Variants in SLC1A4 observed in about 807,000 individuals in gnomAD.
SLC1A4 encodes the protein neutral amino acid transporter A.
Under a neutral mutation model 37.7 loss-of-function variants are expected in SLC1A4, and 19 were observed. The ratio of observed to expected loss-of-function variants is 0.50; its 90% CI spans 0.35 to 0.74. The LOEUF (loss-of-function observed/expected upper bound fraction) is 0.74. Ranked by LOEUF, SLC1A4 falls within the 30% of genes least tolerant of loss-of-function variation. SLC1A4 has a pLI of 0.01. For synonymous variants in SLC1A4, 299 were observed against 309.8 expected, an observed-to-expected ratio of 0.97 and a Z score of 0.37; for missense variants, 570 against 712.9, an observed-to-expected ratio of 0.80 and a Z score of 2.28.
rs1206199466 is a variant in SLC1A4, at chr2:65,001,445, C to G, written c.528-3C>G. 1 of 1,613,682 alleles carries G rather than the reference C, an allele frequency of 6.2e-7. No homozygotes were observed. Among genetic ancestry groups the G allele is most frequent in the Non-Finnish European group, 8.5e-7 (1 of 1,179,624 alleles). On this transcript the variant is annotated splice_polypyrimidine_tract_variant and splice_region_variant and intron_variant, in intron 1 of 7. Transcript: ENST00000234256. ...ACTGACAGAATGCTTTCTTTTCCAA[C>G]AGAAACCTGTTTCCCTCCAATCTTG...
intron 1 of SLC1A4, among the ~76,000 whole-genome samples, chr2:64,992,099 G>A (rs2268482): frequency 3.9e-5 from 6 of 152,316 alleles, no homozygotes; most frequent in Admixed American, 3.3e-4. Flanking sequence ...ATTACCTGTA[G>A]GAGGTCGGTC....
At chr2:65,019,994 A>T (rs1051690999) in intron 7 of SLC1A4, among the ~76,000 whole-genome samples, 7 of 152,188 alleles carry the variant, frequency 4.6e-5, no homozygotes, top group African/African-American at 1.7e-4. Flanking sequence ...CCTCTCTTCA[A>T]AATGTGCACA....
At chr2:65,003,243 A>G (rs1471453364) in intron 2 of SLC1A4, among the ~76,000 whole-genome samples, 1 of 152,230 alleles carries the variant, frequency 6.6e-6, no homozygotes, top group Non-Finnish European at 1.5e-5. Flanking sequence ...CAGTTCAAGG[A>G]CCAGGTGCCC....
Position 65,018,021 on chromosome 2 carries a change from C to T in SLC1A4, c.1035-50C>T, listed in dbSNP as rs1211081689. The T allele has an allele frequency of 6.5e-7, 1 of 1,538,974 alleles. No individual in the cohort carries two copies. The highest frequency in any genetic ancestry group is 1.7e-5 in the Admixed American group (1 of 58,456). ...GGGTCTGAGACAAGACACATGTTAG[C>T]CTGCCTCGGACTGTTGTCATGTCTG... is the stretch of plus-strand genomic sequence containing the variant. On this transcript the variant is annotated intron_variant, in intron 5 of 7. Transcript: ENST00000234256. The surrounding 1 kb of genome is among the most constrained non-coding windows in gnomAD (Gnocchi z 4.3).
chr2:65,016,710 AT>A, intron 5 of SLC1A4, 37 bp downstream of exon 5: 1 of 1,399,266 alleles, frequency 7.1e-7, no homozygotes, highest in African/African-American at 1.4e-5. Flanking sequence ...GCTCTGAGCC[AT>A]GTTAACATGG....
Position 65,021,046 on chromosome 2 carries a change from G to A in SLC1A4, c.1499G>A (p.Cys500Tyr). The change falls in exon 8 of 8, where the codon TGC (cysteine) becomes TAC (tyrosine). Residue 500 changes from cysteine to tyrosine, a missense_variant. Physicochemically the swap from Cys to Tyr is radical, Grantham distance 194. Coordinates refer to ENST00000234256, the MANE Select transcript of SLC1A4 (RefSeq NM_003038.5). ...AEVKVEAIPN[C>Y]KSEEETSPLV... The stretch of plus-strand genomic sequence containing the variant: ...GTGAAAGTGGAAGCCATCCCCAACT[G>A]CAAGTCTGAGGAGGAGACATCGCCC... 5.6e-6 allele frequency: 9 copies of A among 1,614,230 alleles called. No individual in the cohort carries two copies. The highest frequency in any genetic ancestry group is 7.6e-6 in the Non-Finnish European group (9 of 1,180,034).
chr2:65,007,276 G>T (rs11689731), intron 3 of SLC1A4, among the ~76,000 whole-genome samples: 25,421 of 87,854 alleles, frequency 0.29, 2,504 homozygotes, highest in African/African-American at 0.32. Flanking sequence ...GTGTTTGTGT[G>T]TGTGTGTGTG....
At chr2:64,988,826 C>T (rs1171665254), upstream of SLC1A4, among the ~76,000 whole-genome samples, 2 of 152,154 alleles carry the variant, frequency 1.3e-5, no homozygotes, top group Non-Finnish European at 2.9e-5. Context: ...CTCACCGCGC[C>T]CGGCCCCCTG....
chr2:64,989,169 G>T (rs1393013170), upstream of SLC1A4, among the ~76,000 whole-genome samples: 1 of 151,534 alleles, frequency 6.6e-6, no homozygotes. Context: ...GGCGCCGCCC[G>T]CGCCCCCGCG....
At chr2:65,016,294 C>A in intron 4 of SLC1A4, 146 bp from the exon 5 acceptor site, 1 of 679,666 alleles carries the variant, frequency 1.5e-6, no homozygotes, top group Non-Finnish European at 2.6e-6. Context: ...ATGGTATAAC[C>A]CTGACTGTTT....
chr2:64,998,080 A>C (rs1378405304), intron 1 of SLC1A4, among the ~76,000 whole-genome samples: 1 of 152,030 alleles, frequency 6.6e-6, no homozygotes, highest in Non-Finnish European at 1.5e-5. Context: ...AAAAATACAA[A>C]AACAAAATTA....
chr2:65,002,491 C>T (rs955647811), intron 2 of SLC1A4, among the ~76,000 whole-genome samples: 5 of 151,044 alleles, frequency 3.3e-5, no homozygotes, highest in African/African-American at 4.9e-5. Flanking sequence ...CTACTAGTCC[C>T]CTACCGATGG....
intron 7 of SLC1A4, among the ~76,000 whole-genome samples, chr2:65,019,016 C>T (rs1428485031): frequency 6.6e-6 from 1 of 152,100 alleles, no homozygotes; most frequent in Non-Finnish European, 1.5e-5. Flanking sequence ...AGTAATAAGT[C>T]GATGGAGCAG....
chr2:65,002,674 T>C (rs1375909893), intron 2 of SLC1A4, among the ~76,000 whole-genome samples: 1 of 148,678 alleles, frequency 6.7e-6, no homozygotes, highest in Admixed American at 6.9e-5. Flanking sequence ...GCCTCCCAGG[T>C]TCACGCCATT....
chr2:64,999,950 G>A (rs1431455788), intron 1 of SLC1A4: 1 of 152,136 alleles, frequency 6.6e-6, no homozygotes, highest in African/African-American at 2.4e-5. Context: ...TTACCCAAAG[G>A]TGTGAATACC....
chr2:65,001,600 A>C, intron 2 of SLC1A4, 110 bp downstream of exon 2: 4 of 964,718 alleles, frequency 4.1e-6, no homozygotes, highest in Non-Finnish European at 6.4e-6. Context: ...GTGTTAACAA[A>C]ACTTGGTAAG....
chr2:65,010,634 T>C lies in SLC1A4; in HGVS notation c.671T>C (p.Leu224Ser), dbSNP rs1200202799. The change falls in exon 4 of 8, where the codon TTA (leucine) becomes TCA (serine). Residue 224 changes from leucine to serine, a missense_variant. Coordinates refer to ENST00000234256, the MANE Select transcript of SLC1A4 (RefSeq NM_003038.5). ...ACTGAGATAGAAGGGATGAACATTT[T>C]AGGATTGGTCCTGTTTGCTCTGGTG... ...IGTEIEGMNI[L>S]GLVLFALVLG... 2.5e-6 allele frequency: 4 copies of C among 1,613,866 alleles called. No individual in the cohort carries two copies. The highest frequency in any genetic ancestry group is 1.7e-5 in the Admixed American group (1 of 59,948).
intron 1 of SLC1A4, among the ~76,000 whole-genome samples, chr2:64,990,804 G>C (rs535339484): frequency 2.0e-4 from 31 of 152,354 alleles, no homozygotes; most frequent in Non-Finnish European, 3.1e-4. Flanking sequence ...CCACGGCAGA[G>C]TGCTGTGTTT....
intron 1 of SLC1A4, among the ~76,000 whole-genome samples, chr2:64,998,109 C>A (rs1285180397): frequency 6.6e-6 from 1 of 152,020 alleles, no homozygotes; most frequent in Non-Finnish European, 1.5e-5. Flanking sequence ...TGGTGGCGGG[C>A]GCCTGTAGTC....
Sources: allele counts gnomAD v4.1 joint callset (sites outside exome capture counted in the v4.1 genomes callset), GRCh38; gene constraint gnomAD v4.1.1; non-coding constraint Gnocchi (gnomAD v3.1); transcripts MANE v1.5; gene names NCBI Gene and HGNC (gene_info 2026-07-23, HGNC 2026-07-21).